Variants in MAML3 observed in about 807,000 individuals in gnomAD.
MAML3 encodes mastermind like transcriptional coactivator 3.
MAML3 carries 27 observed loss-of-function variants against 101.9 expected under a neutral mutation model. That is an observed-to-expected ratio of 0.27 (90% CI 0.20 to 0.37). The LOEUF (loss-of-function observed/expected upper bound fraction) is 0.37, where lower values mean the gene tolerates loss of function less well. Among genes scored for constraint, MAML3 ranks in the 10% least tolerant of loss-of-function variants. The pLI, the probability that MAML3 is intolerant of heterozygous loss-of-function variation, is 1.00. For synonymous variants in MAML3, 501 were observed against 555.9 expected (o/e 0.90, Z 1.39); for missense variants, 1,316 against 1,444.9 (o/e 0.91, Z 1.45).
At chr4:139,753,341 A>AATCTATCT (rs35975255) in intron 2 of MAML3, among the ~76,000 whole-genome samples, 23,776 of 146,518 alleles carry the variant, frequency 0.16, 1,944 homozygotes, top group East Asian at 0.22. Flanking sequence ...TTTTCTTTTT[A>AATCTATCT]ATCTATCTAT....
intron 1 of MAML3, among the ~76,000 whole-genome samples, chr4:140,054,678 T>C (rs1727323152): frequency 6.6e-6 from 1 of 152,240 alleles, no homozygotes; most frequent in African/African-American, 2.4e-5. Flanking sequence ...TCTTCAGTCA[T>C]CTGATCATCA....
intron 1 of MAML3, among the ~76,000 whole-genome samples, chr4:139,936,720 A>G (rs114065790): frequency 6.6e-6 from 1 of 152,218 alleles, no homozygotes; most frequent in African/African-American, 2.4e-5. Flanking sequence ...AAAAACAACA[A>G]AAGTTGAAAA....
At chr4:139,957,041 G>A (rs543181898) in intron 1 of MAML3, among the ~76,000 whole-genome samples, 7 of 152,174 alleles carry the variant, frequency 4.6e-5, no homozygotes, top group African/African-American at 7.2e-5. Context: ...GCATAGCAAG[G>A]CTGAGCAACT....
At chr4:139,808,483 C>A (rs1730738251) in intron 2 of MAML3, among the ~76,000 whole-genome samples, 1 of 152,166 alleles carries the variant, frequency 6.6e-6, no homozygotes, top group South Asian at 2.1e-4. Flanking sequence ...AGAGTTCGGT[C>A]CTTAGTGAAC....
chr4:140,027,538 GTTCCC>G (rs1181780733), intron 1 of MAML3, among the ~76,000 whole-genome samples: 1 of 152,202 alleles, frequency 6.6e-6, no homozygotes, highest in Admixed American at 6.5e-5. Flanking sequence ...GAGCAGGGTA[GTTCCC>G]TTCAAGTTGC....
chr4:139,781,511 A>ATG (rs1730214320), intron 2 of MAML3, among the ~76,000 whole-genome samples: 1 of 89,220 alleles, frequency 1.1e-5, no homozygotes, highest in African/African-American at 4.1e-5. Context: ...GCATTTTCAT[A>ATG]TATATATATA....
chr4:139,956,136 T>C (rs1733911183), intron 1 of MAML3, among the ~76,000 whole-genome samples: 1 of 152,190 alleles, frequency 6.6e-6, no homozygotes, highest in Non-Finnish European at 1.5e-5. Flanking sequence ...AGTCACTTAA[T>C]CTTTCTGAGC....
intron 1 of MAML3, among the ~76,000 whole-genome samples, chr4:139,914,213 A>G (rs1287092242): frequency 6.6e-6 from 1 of 152,220 alleles, no homozygotes; most frequent in Non-Finnish European, 1.5e-5. Context: ...TCTTAAAAAC[A>G]ATCACCCCAC....
At chr4:140,113,418 T>A (rs1042090830) in intron 1 of MAML3, among the ~76,000 whole-genome samples, 1 of 152,234 alleles carries the variant, frequency 6.6e-6, no homozygotes, top group African/African-American at 2.4e-5. Flanking sequence ...ATTAGTCTCA[T>A]GGAAAAAGTC....
chr4:139,730,627 A>G lies in MAML3; in HGVS notation c.2120T>C (p.Met707Thr), dbSNP rs773827696. 6.2e-7 allele frequency: 1 copy of G among 1,613,266 alleles called. No individual in the cohort carries two copies. The highest frequency in any genetic ancestry group is 1.7e-5 in the Admixed American group (1 of 59,956). ...TGAGCCTGGGGGCACGGAGGACTGCATGGGGCCTGTGGTTCGGGGAAGTCC... is the reference window on the plus strand; with the variant it reads ...TGAGCCTGGGGGCACGGAGGACTGCGTGGGGCCTGTGGTTCGGGGAAGTCC... ...PVGLPRTTGPMQSSVPPGSGG... is the reference protein window; with the variant it reads ...PVGLPRTTGPTQSSVPPGSGG... Residue 707 changes from methionine (M) to threonine (T), a missense_variant, in exon 3 of 5, where the codon ATG becomes ACG. Met to Thr is a moderately conservative substitution (Grantham distance 81, BLOSUM62 -1). Coordinates refer to ENST00000509479, the MANE Select transcript of MAML3 (RefSeq NM_018717.5).
At chr4:139,852,802 C>G (rs906505018) in intron 2 of MAML3, among the ~76,000 whole-genome samples, 1 of 152,086 alleles carries the variant, frequency 6.6e-6, no homozygotes, top group Admixed American at 6.6e-5. Flanking sequence ...TGCCAAAATG[C>G]AGCATTCTGG....
chr4:139,810,874 T>C (rs1730784987), intron 2 of MAML3, among the ~76,000 whole-genome samples: 2 of 152,192 alleles, frequency 1.3e-5, no homozygotes, highest in Non-Finnish European at 2.9e-5. Flanking sequence ...TAGGGATGGC[T>C]GTGTAACACA....
intron 2 of MAML3, among the ~76,000 whole-genome samples, chr4:139,782,260 T>A (rs1338893040): frequency 2.6e-5 from 4 of 152,196 alleles, no homozygotes; most frequent in African/African-American, 9.7e-5. Flanking sequence ...ACTTCTGCAC[T>A]CAAGCAGTCT....
intron 2 of MAML3, among the ~76,000 whole-genome samples, chr4:139,749,562 G>C (rs914940670): frequency 6.6e-6 from 1 of 152,162 alleles, no homozygotes; most frequent in Admixed American, 6.5e-5. Context: ...GGGGTGGGGG[G>C]CGCCGATCAG....
At chr4:139,772,594 C>T (rs761466257) in intron 2 of MAML3, among the ~76,000 whole-genome samples, 1 of 151,686 alleles carries the variant, frequency 6.6e-6, no homozygotes, top group East Asian at 2.0e-4. Context: ...CCACCTGCCT[C>T]GGCCTCCCCA....
At chr4:140,034,132 C>T (rs1726948130) in intron 1 of MAML3, among the ~76,000 whole-genome samples, 1 of 152,126 alleles carries the variant, frequency 6.6e-6, no homozygotes, top group Non-Finnish European at 1.5e-5. Context: ...ATGAGGTAAG[C>T]CAGACAAGAA....
At chr4:140,084,902 A>G (rs1443484753) in intron 1 of MAML3, among the ~76,000 whole-genome samples, 1 of 152,132 alleles carries the variant, frequency 6.6e-6, no homozygotes, top group African/African-American at 2.4e-5. Context: ...CCTACAATGC[A>G]TCACCCTAGT....
chr4:139,717,168 C>A lies in MAML3; in HGVS notation c.*2155G>T, dbSNP rs1017562964. 6.6e-5 allele frequency: 10 copies of A among 152,390 alleles called. No individual in the cohort carries two copies. The highest frequency in any genetic ancestry group is 2.4e-4 in the African/African-American group (10 of 41,360). 9.4% of individuals were successfully genotyped at this position (152,390 alleles called of 1,614,324 possible). ...CATCAGCACCGTAGTAAAAACAAAA[C>A]CAAAACAAAACCACCATATTAAAAT... On this transcript the variant is annotated 3_prime_UTR_variant, in exon 5 of 5. Transcript: ENST00000509479.
chr4:140,095,809 C>T (rs1476863295), intron 1 of MAML3, among the ~76,000 whole-genome samples: 1 of 152,150 alleles, frequency 6.6e-6, no homozygotes, highest in Admixed American at 6.5e-5. Flanking sequence ...CAGGCTCCAC[C>T]CTCTCCAGAG....
Sources: allele counts gnomAD v4.1 joint callset (sites outside exome capture counted in the v4.1 genomes callset), GRCh38; gene constraint gnomAD v4.1.1; transcripts MANE v1.5; gene names NCBI Gene and HGNC (gene_info 2026-07-23, HGNC 2026-07-21).